The following PTPRT variants were observed in gnomAD, a reference collection of about 807,000 sequenced individuals.
PTPRT encodes the protein protein tyrosine phosphatase receptor type T.
PTPRT carries 56 observed loss-of-function variants against 176.8 expected under a neutral mutation model. The ratio of observed to expected loss-of-function variants is 0.32; its 90% CI spans 0.26 to 0.40. The LOEUF is 0.40. Ranked by LOEUF, PTPRT falls within the 10% of genes least tolerant of loss-of-function variation. The probability of loss-of-function intolerance (pLI) is 1.00; values close to 1 mark genes in which losing one functional copy is unlikely to be tolerated. For synonymous variants in PTPRT, 783 were observed against 739.0 expected (o/e 1.06, Z -0.96); for missense variants, 1,540 against 1,908.2 (o/e 0.81, Z 3.60).
intron 7 of PTPRT, among the ~76,000 whole-genome samples, chr20:42,650,625 C>T (rs1219105033): frequency 6.6e-6 from 1 of 152,158 alleles, no homozygotes; most frequent in Non-Finnish European, 1.5e-5. Context: ...TCAGCATGCA[C>T]AAGAAAAGTG....
chr20:43,064,646 T>C (rs749059354), intron 1 of PTPRT, among the ~76,000 whole-genome samples: 13 of 152,140 alleles, frequency 8.5e-5, no homozygotes, highest in Non-Finnish European at 1.9e-4. Flanking sequence ...TCCCCTCCTC[T>C]CAACAAACAT....
rs3092295 is a variant in PTPRT at position 42,411,847 on chromosome 20, CAA to C, written c.1560+36371_1560+36372del. Among the ~76,000 whole-genome samples the C allele has an allele frequency of 9.4e-4, 141 of 150,182 alleles. 1 individual carries two copies. The highest frequency in any genetic ancestry group is 1.5e-3 in the Non-Finnish European group (99 of 67,480). On this transcript the variant is annotated intron_variant, in intron 9 of 30. Transcript: ENST00000373187. ...ACTGGGGAATTCTACCAAATATCTACAAAAAAAAAAATAGTATCAGAGAAAGA... is the reference window on the plus strand; with the variant it reads ...ACTGGGGAATTCTACCAAATATCTACAAAAAAAAATAGTATCAGAGAAAGA...
At chr20:42,123,289 A>T (rs1241302172) in intron 19 of PTPRT, among the ~76,000 whole-genome samples, 1 of 152,224 alleles carries the variant, frequency 6.6e-6, no homozygotes, top group Non-Finnish European at 1.5e-5. Flanking sequence ...GATGGCTTGG[A>T]TTCTCTATTT....
chr20:42,511,675 A>G (rs1341143579), intron 7 of PTPRT, among the ~76,000 whole-genome samples: 1 of 152,138 alleles, frequency 6.6e-6, no homozygotes, highest in Non-Finnish European at 1.5e-5. Context: ...GATATGCCCA[A>G]CTTAACTCTT....
At chr20:43,108,645 A>G (rs1444787288) in intron 1 of PTPRT, among the ~76,000 whole-genome samples, 2 of 152,088 alleles carry the variant, frequency 1.3e-5, no homozygotes, top group African/African-American at 2.4e-5. Context: ...TTATTTTCTT[A>G]TAAGGACCTC....
chr20:42,647,399 C>T (rs978525591), intron 7 of PTPRT, among the ~76,000 whole-genome samples: 1 of 151,960 alleles, frequency 6.6e-6, no homozygotes, highest in Admixed American at 6.6e-5. Flanking sequence ...ATAAATGGTC[C>T]CCTCATATGC....
At chr20:42,926,173 G>T (rs1287044365) in intron 1 of PTPRT, among the ~76,000 whole-genome samples, 2 of 152,166 alleles carry the variant, frequency 1.3e-5, no homozygotes, top group East Asian at 3.9e-4. Context: ...CTATGCAGCA[G>T]GCTCTGCACC....
chr20:43,027,588 A>C (rs1319197070), intron 1 of PTPRT, among the ~76,000 whole-genome samples: 4 of 152,162 alleles, frequency 2.6e-5, no homozygotes, highest in Non-Finnish European at 4.4e-5. Flanking sequence ...GCACAGAAGA[A>C]AGACCACGTG....
intron 2 of PTPRT, among the ~76,000 whole-genome samples, chr20:42,884,615 G>A (rs1319270285): frequency 6.6e-6 from 1 of 152,178 alleles, no homozygotes; most frequent in Non-Finnish European, 1.5e-5. Context: ...GGGAGTGGTT[G>A]AGGCCAACCA....
intron 7 of PTPRT, among the ~76,000 whole-genome samples, chr20:42,513,841 A>G (rs1412913317): frequency 1.3e-5 from 2 of 152,178 alleles, no homozygotes; most frequent in Non-Finnish European, 1.5e-5. Context: ...TAAACCTCCA[A>G]TGAAAAATGA....
chr20:42,987,593 A>T (rs1568719038), intron 1 of PTPRT, among the ~76,000 whole-genome samples: 1 of 151,984 alleles, frequency 6.6e-6, no homozygotes, highest in African/African-American at 2.4e-5. Context: ...TTCCTCAAAC[A>T]TACCAAATGT....
chr20:42,692,823 A>T (rs1600619473), intron 6 of PTPRT, among the ~76,000 whole-genome samples: 1 of 152,322 alleles, frequency 6.6e-6, no homozygotes, highest in African/African-American at 2.4e-5. Context: ...AAATATAAAC[A>T]ATTATAAAAT....
At chr20:42,665,399 T>C (rs2075297122) in intron 7 of PTPRT, among the ~76,000 whole-genome samples, 1 of 152,034 alleles carries the variant, frequency 6.6e-6, no homozygotes, top group Non-Finnish European at 1.5e-5. Flanking sequence ...TGAGATACCA[T>C]CTCACACCAG....
chr20:42,975,674 C>T lies in PTPRT; in HGVS notation c.89-89742G>A, dbSNP rs376912824. Among the ~76,000 whole-genome samples the T allele has an allele frequency of 3.0e-3, 462 of 152,202 alleles. 1 individual carries two copies. The highest frequency in any genetic ancestry group is 4.9e-3 in the Non-Finnish European group (331 of 68,022). On this transcript the variant is annotated intron_variant, in intron 1 of 30. Coordinates refer to ENST00000373187, the MANE Select transcript of PTPRT (RefSeq NM_007050.6). The stretch of plus-strand genomic sequence containing the variant: ...CCTATACCCACTACCAATTTCCAAG[C>T]GGGGGCAGCTAAGGTTCCAGCCAAC...
intron 7 of PTPRT, among the ~76,000 whole-genome samples, chr20:42,477,568 G>T (rs1022819830): frequency 6.6e-6 from 1 of 152,120 alleles, no homozygotes; most frequent in Non-Finnish European, 1.5e-5. Context: ...TTTACATTCG[G>T]GTTGGTGCAA....
intron 1 of PTPRT, among the ~76,000 whole-genome samples, chr20:42,893,017 A>C: frequency 6.6e-6 from 1 of 152,120 alleles, no homozygotes; most frequent in East Asian, 1.9e-4. Flanking sequence ...GGGGAGTAAG[A>C]GCGAAGAACT....
chr20:42,289,366 T>A (rs190289067), intron 12 of PTPRT, among the ~76,000 whole-genome samples: 1 of 152,124 alleles, frequency 6.6e-6, no homozygotes, highest in African/African-American at 2.4e-5. Flanking sequence ...GGAGAAAATA[T>A]TTGTAAACTA....
chr20:42,633,877 A>G (rs1327924903), intron 7 of PTPRT, among the ~76,000 whole-genome samples: 2 of 85,050 alleles, frequency 2.4e-5, no homozygotes, highest in Non-Finnish European at 4.2e-5. Flanking sequence ...TCTATAATAT[A>G]TTATAATATA....
chr20:42,149,214 G>A (rs972692044), intron 17 of PTPRT, among the ~76,000 whole-genome samples: 1 of 152,166 alleles, frequency 6.6e-6, no homozygotes, highest in Non-Finnish European at 1.5e-5. Context: ...CATTCAGAGG[G>A]AACAGCAAGT....
Sources: allele counts gnomAD v4.1 joint callset (sites outside exome capture counted in the v4.1 genomes callset), GRCh38; gene constraint gnomAD v4.1.1; transcripts MANE v1.5; gene names NCBI Gene and HGNC (gene_info 2026-07-23, HGNC 2026-07-21).